Variants in DIP2C observed in about 807,000 individuals in gnomAD.
DIP2C encodes DIP2 acetate--CoA ligase C (putative), also known as disco-interacting protein 2 homolog C.
A neutral mutation model predicts 192.4 loss-of-function variants in DIP2C; 33 were observed. The ratio of observed to expected loss-of-function variants is 0.17; its 90% CI spans 0.13 to 0.23. The LOEUF (loss-of-function observed/expected upper bound fraction) is 0.23, where lower values mean the gene tolerates loss of function less well. DIP2C is among the 10% of genes least tolerant of loss of function. The pLI, the probability that DIP2C is intolerant of heterozygous loss-of-function variation, is 1.00. For missense variants in DIP2C, 1,537 were observed against 2,110.1 expected, an observed-to-expected ratio of 0.73 and a Z score of 5.32; for synonymous variants, 979 against 864.1, an observed-to-expected ratio of 1.13 and a Z score of -2.33.
intron 29 of DIP2C, among the ~76,000 whole-genome samples, chr10:334,352 G>T (rs1235971031): frequency 2.1e-5 from 3 of 143,250 alleles, no homozygotes; most frequent in African/African-American, 7.7e-5. Context: ...TAGGTGCTTA[G>T]AAGTGCTTCA....
At chr10:474,960 A>C (rs1260904448) in intron 2 of DIP2C, among the ~76,000 whole-genome samples, 2 of 151,960 alleles carry the variant, frequency 1.3e-5, no homozygotes, top group Non-Finnish European at 2.9e-5. Flanking sequence ...TTTTTGCTGC[A>C]AATCAGGTTT....
At chr10:311,634 C>A (rs1956571026) in intron 31 of DIP2C, 5 of 1,195,752 alleles carry the variant, frequency 4.2e-6, no homozygotes, top group Non-Finnish European at 5.2e-6. Context: ...CCAACACACA[C>A]AACACACACA....
At chr10:404,891 C>T (rs192022041) in intron 9 of DIP2C, among the ~76,000 whole-genome samples, 21 of 152,308 alleles carry the variant, frequency 1.4e-4, no homozygotes, top group Non-Finnish European at 2.5e-4. Context: ...TGTCATGTGA[C>T]GGACTGAGAG....
At chr10:281,381 T>C (rs1309225717) in intron 35 of DIP2C, 58 bp from the exon 36 acceptor site, 31 of 1,531,068 alleles carry the variant, frequency 2.0e-5, no homozygotes, top group Non-Finnish European at 2.6e-5. Flanking sequence ...AGCCGTTTCC[T>C]TCTTTTCTTA....
At chr10:612,959 G>C (rs1446118110) in intron 1 of DIP2C, among the ~76,000 whole-genome samples, 1 of 152,114 alleles carries the variant, frequency 6.6e-6, no homozygotes, top group African/African-American at 2.4e-5. Context: ...CCTCCCAGTG[G>C]GTGTGCACGT....
chr10:660,909 C>G (rs1197413068), intron 1 of DIP2C, among the ~76,000 whole-genome samples: 1 of 152,168 alleles, frequency 6.6e-6, no homozygotes, highest in Non-Finnish European at 1.5e-5. Context: ...GCTAGCACAT[C>G]ACAAAAATAC....
rs1960777403 is a variant in DIP2C, at chr10:370,045, T to A, written c.1992-412A>T. 5 of 985,252 alleles carry A rather than the reference T, an allele frequency of 5.1e-6. No individual in the cohort carries two copies. In the African/African-American group the frequency reaches 8.7e-5, roughly 17 times the overall value. 61.0% of individuals were successfully genotyped at this position (985,252 alleles called of 1,614,324 possible). ...AATGTCTGGAGGGTGGTGCATCCAC[T>A]CCAAGAATGCAGACAAAACCACTGA... On this transcript the variant is annotated intron_variant, in intron 17 of 36. Transcript: ENST00000280886.
intron 1 of DIP2C, among the ~76,000 whole-genome samples, chr10:524,979 A>AAC (rs1387657179): frequency 6.6e-6 from 1 of 151,542 alleles, no homozygotes; most frequent in Non-Finnish European, 1.5e-5. Context: ...AAAAAAAAAA[A>AAC]AAAAGAATCA....
At chr10:534,086 C>T (rs567441278) in intron 1 of DIP2C, among the ~76,000 whole-genome samples, 15 of 152,178 alleles carry the variant, frequency 9.9e-5, no homozygotes, top group Non-Finnish European at 2.2e-4. Context: ...TCAACTGGGA[C>T]GAGGAGCCCC....
intron 1 of DIP2C, among the ~76,000 whole-genome samples, chr10:557,417 T>G (rs979398736): frequency 2.6e-5 from 4 of 151,378 alleles, no homozygotes; most frequent in African/African-American, 9.7e-5. Flanking sequence ...GCCACTAGGT[T>G]TTGGAGTCAC....
intron 23 of DIP2C, among the ~76,000 whole-genome samples, chr10:357,335 T>C (rs559079499): frequency 6.6e-6 from 1 of 152,154 alleles, no homozygotes; most frequent in South Asian, 2.1e-4. Flanking sequence ...CTTCTTAGAG[T>C]CCACAGAGCA....
chr10:456,681 C>A (rs549915241), intron 3 of DIP2C, among the ~76,000 whole-genome samples: 1 of 152,188 alleles, frequency 6.6e-6, no homozygotes, highest in African/African-American at 2.4e-5. Context: ...CACCTGTCCA[C>A]GGCCACCGTT....
At chr10:496,136 C>T (rs763814824) in intron 1 of DIP2C, among the ~76,000 whole-genome samples, 1 of 137,854 alleles carries the variant, frequency 7.3e-6, no homozygotes, top group Non-Finnish European at 1.6e-5. Flanking sequence ...ACTCTCAATA[C>T]CCCAAACAAC....
chr10:341,097 TG>T, intron 29 of DIP2C, 101 bp downstream of exon 29: 2 of 1,504,814 alleles, frequency 1.3e-6, no homozygotes, highest in South Asian at 1.2e-5. Flanking sequence ...CTGGCAGGAG[TG>T]GGGGTGTGGG....
chr10:616,216 C>T (rs1246863497), intron 1 of DIP2C, among the ~76,000 whole-genome samples: 1 of 152,118 alleles, frequency 6.6e-6, no homozygotes, highest in African/African-American at 2.4e-5. Flanking sequence ...ATCAAGCAGC[C>T]GTTTGTAATC....
chr10:281,405 A>ACC, intron 35 of DIP2C, 82 bp from the exon 36 acceptor site: 1 of 1,179,740 alleles, frequency 8.5e-7, no homozygotes, highest in Non-Finnish European at 1.1e-6. Context: ...AAAGATTAAA[A>ACC]ACGACCCCCA....
intron 1 of DIP2C, among the ~76,000 whole-genome samples, chr10:631,649 A>G (rs1396737293): frequency 1.3e-5 from 2 of 152,192 alleles, no homozygotes; most frequent in Non-Finnish European, 2.9e-5. Flanking sequence ...ATAGAGACAA[A>G]TCTTTATCAA....
At chr10:395,125 A>C in intron 10 of DIP2C, among the ~76,000 whole-genome samples, 1 of 15,310 alleles carries the variant, frequency 6.5e-5, no homozygotes, top group Non-Finnish European at 1.2e-4. Flanking sequence ...GGGGGGAGGG[A>C]GGAGTTGGGG....
At chr10:503,287 G>C (rs1189415241) in intron 1 of DIP2C, among the ~76,000 whole-genome samples, 1 of 152,186 alleles carries the variant, frequency 6.6e-6, no homozygotes, top group African/African-American at 2.4e-5. Context: ...ATGCAGACAA[G>C]CTAAAAGTTA....
Sources: gnomAD v4.1 joint callset for allele counts (sites outside exome capture counted in the v4.1 genomes callset) on GRCh38, gnomAD v4.1.1 for gene constraint, MANE v1.5 for transcripts, NCBI Gene and HGNC (gene_info 2026-07-23, HGNC 2026-07-21) for gene names.